HRH1: variants seen among roughly 807,000 people sequenced by gnomAD.
The protein encoded by HRH1 is histamine receptor H1.
Under a neutral mutation model 10.3 loss-of-function variants are expected in HRH1, and 6 were observed. That is an observed-to-expected ratio of 0.58 (90% CI 0.32 to 1.15). The LOEUF is 1.15. Ranked by LOEUF, HRH1 falls within the 50% of genes most tolerant of loss-of-function variation. The pLI, the probability that HRH1 is intolerant of heterozygous loss-of-function variation, is 0.05. For missense variants in HRH1, 514 were observed against 615.3 expected (o/e 0.84, Z 1.74); for synonymous variants, 242 against 236.7 (o/e 1.02, Z -0.21).
chr3:11,180,760 C>G (rs1158701104), intron 1 of HRH1, among the ~76,000 whole-genome samples: 1 of 152,174 alleles, frequency 6.6e-6, no homozygotes, highest in Non-Finnish European at 1.5e-5. Context: ...TAAGGTTGAT[C>G]TACACCGTAG....
At chr3:11,195,172 C>G (rs1485072684) in intron 1 of HRH1, among the ~76,000 whole-genome samples, 2 of 152,198 alleles carry the variant, frequency 1.3e-5, no homozygotes, top group Admixed American at 1.3e-4. Flanking sequence ...TCCTTTTAAG[C>G]AGTATCTCTC....
intron 1 of HRH1, among the ~76,000 whole-genome samples, chr3:11,251,921 G>A (rs966158936): frequency 2.6e-5 from 4 of 152,186 alleles, no homozygotes; most frequent in African/African-American, 9.7e-5. Flanking sequence ...GGGTTACTGG[G>A]TTAAGAATTT....
At chr3:11,249,478 G>A (rs1018587650) in intron 1 of HRH1, among the ~76,000 whole-genome samples, 8 of 151,076 alleles carry the variant, frequency 5.3e-5, no homozygotes, top group African/African-American at 1.9e-4. Context: ...GAGCAATGAA[G>A]CACATTGTGA....
At chr3:11,251,302 A>G (rs754833175) in intron 1 of HRH1, among the ~76,000 whole-genome samples, 4 of 152,184 alleles carry the variant, frequency 2.6e-5, no homozygotes, top group African/African-American at 7.2e-5. Flanking sequence ...TACTTGGATT[A>G]TCAAGTCTCT....
rs138270697 is a variant in HRH1, at chr3:11,216,352, G to C, written c.-35-42651G>C. On this transcript the variant is annotated intron_variant, in intron 1 of 1. Transcript: ENST00000431010. Reference sequence around the variant, plus strand: ...GTTCATAGCAGCATTATTCACAGCAGCCGAAGAGTGGAAGCAGCCAGTGTC... The same window carrying C: ...GTTCATAGCAGCATTATTCACAGCACCCGAAGAGTGGAAGCAGCCAGTGTC... Among the ~76,000 whole-genome samples, 6 of 152,318 alleles carry C rather than the reference G, an allele frequency of 3.9e-5. No individual in the cohort carries two copies. The East Asian group carries it at 1.2e-3, about 29-fold the overall frequency.
upstream of HRH1, among the ~76,000 whole-genome samples, chr3:11,151,917 C>A (rs1936637230): frequency 6.6e-6 from 1 of 152,206 alleles, no homozygotes; most frequent in South Asian, 2.1e-4. Context: ...AGTGGCAGAG[C>A]AGGTATTTTT....
rs1468588148 is a variant in HRH1, at chr3:11,214,083, CA to C, written c.-35-44919del. 2.0e-5 allele frequency among the ~76,000 whole-genome samples: 3 copies of C among 151,800 alleles called. No individual in the cohort carries two copies. The East Asian group carries it at 5.8e-4, about 29-fold the overall frequency. ...AGATGGAACAGCGCGAACAAAGAGG[CA>C]GAAGGGAGAATGTTCAGGGACAGGT... On this transcript the variant is annotated intron_variant, in intron 1 of 1. Coordinates refer to ENST00000431010, the MANE Select transcript of HRH1 (RefSeq NM_001098212.2).
rs1939875907 is a variant in HRH1, at chr3:11,259,419, T to C, written c.382T>C (p.Ser128Pro). 6.2e-7 allele frequency: 1 copy of C among 1,613,816 alleles called. No homozygotes were observed. Among genetic ancestry groups the C allele is most frequent in the East Asian group, 2.2e-5 (1 of 44,868 alleles). The change falls in exon 2 of 2, where the codon TCT becomes CCT. Residue 128 changes from serine (S) to proline (P), a missense_variant. Physicochemically the swap from Ser to Pro is moderately conservative, Grantham distance 74. Coordinates refer to ENST00000431010, the MANE Select transcript of HRH1 (RefSeq NM_001098212.2). This position sits in a 1 kb window ranked among gnomAD's most constrained non-coding sequence, Gnocchi z 4.6. ...VFILCIDRYR[S>P]VQQPLRYLKY... ...CATCCTGTGCATTGATCGCTACCGC[T>C]CTGTCCAGCAGCCCCTCAGGTACCT...
Position 11,216,772 on chromosome 3 carries a change from T to C in HRH1, c.-35-42231T>C, listed in dbSNP as rs1170355790. 2.0e-5 allele frequency among the ~76,000 whole-genome samples: 3 copies of C among 151,994 alleles called. No homozygotes were observed. In the East Asian group the frequency reaches 5.8e-4, roughly 29 times the overall value. The stretch of plus-strand genomic sequence containing the variant: ...GCATGTGCCTGTGATCCCAGCTACT[T>C]GGGAGGCTGAGGCAGGAGAATCACT... On this transcript the variant is annotated intron_variant, in intron 1 of 1. Coordinates refer to ENST00000431010, the MANE Select transcript of HRH1 (RefSeq NM_001098212.2).
At chr3:11,248,932 C>G (rs1417063605) in intron 1 of HRH1, among the ~76,000 whole-genome samples, 1 of 152,162 alleles carries the variant, frequency 6.6e-6, no homozygotes, top group Non-Finnish European at 1.5e-5. Context: ...GTCGCACAAG[C>G]CTAACAGTCG....
At chr3:11,169,556 T>G (rs1937113865) in intron 1 of HRH1, among the ~76,000 whole-genome samples, 1 of 152,102 alleles carries the variant, frequency 6.6e-6, no homozygotes, top group South Asian at 2.1e-4. Flanking sequence ...AAAGGCTGGC[T>G]GGGGCCTTTG....
At chr3:11,159,645 C>T (rs1056782548) in intron 1 of HRH1, among the ~76,000 whole-genome samples, 1 of 152,190 alleles carries the variant, frequency 6.6e-6, no homozygotes, top group Admixed American at 6.5e-5. Context: ...GTGCTGTTCA[C>T]CAGTGATTTC....
intron 1 of HRH1, among the ~76,000 whole-genome samples, chr3:11,222,276 C>G (rs1040888989): frequency 1.9e-4 from 29 of 152,118 alleles, no homozygotes; most frequent in African/African-American, 6.8e-4. Context: ...GAAGTGTGCA[C>G]AGCTGGAACT....
At chr3:11,172,537 A>G (rs2125013271) in intron 1 of HRH1, among the ~76,000 whole-genome samples, 1 of 152,224 alleles carries the variant, frequency 6.6e-6, no homozygotes, top group African/African-American at 2.4e-5. Flanking sequence ...TTAGATCTGA[A>G]CAATTTAGGA....
At position 11,263,021 on chromosome 3, in the gene HRH1, A is replaced by G. The variant is rs760687761; in HGVS notation, c.*2520A>G. 5 of 167,146 alleles carry G rather than the reference A, an allele frequency of 3.0e-5. No individual in the cohort carries two copies. The highest frequency in any genetic ancestry group is 5.9e-5 in the Non-Finnish European group (4 of 68,124). 10.4% of individuals were successfully genotyped at this position (167,146 alleles called of 1,614,324 possible). On this transcript the variant is annotated 3_prime_UTR_variant, in exon 2 of 2. Coordinates refer to ENST00000431010, the MANE Select transcript of HRH1 (RefSeq NM_001098212.2). Reference sequence around the variant, plus strand: ...ATGAGGGAGATTTCCATCTTTACAAATAGGCAAACTGAGGCCCAGAGAGAT... The same window carrying G: ...ATGAGGGAGATTTCCATCTTTACAAGTAGGCAAACTGAGGCCCAGAGAGAT...
chr3:11,168,023 T>C (rs1937080722), intron 1 of HRH1, among the ~76,000 whole-genome samples: 1 of 151,752 alleles, frequency 6.6e-6, no homozygotes, highest in Non-Finnish European at 1.5e-5. Flanking sequence ...TGAAATGCAG[T>C]GGTGAAGATG....
At chr3:11,248,442 A>T (rs190194176) in intron 1 of HRH1, among the ~76,000 whole-genome samples, 1 of 152,234 alleles carries the variant, frequency 6.6e-6, no homozygotes, top group East Asian at 1.9e-4. Flanking sequence ...TCCAGGAGGG[A>T]CGTGTCTCTT....
At chr3:11,198,972 G>A (rs928240296) in intron 1 of HRH1, among the ~76,000 whole-genome samples, 1 of 151,044 alleles carries the variant, frequency 6.6e-6, no homozygotes, top group Non-Finnish European at 1.5e-5. Context: ...CAGTCAGGCT[G>A]GAGTGCAGTG....
chr3:11,176,753 G>C (rs1040771279), intron 1 of HRH1, among the ~76,000 whole-genome samples: 1 of 152,130 alleles, frequency 6.6e-6, no homozygotes, highest in African/African-American at 2.4e-5. Context: ...AATTCGAACA[G>C]GACTATCTAA....
Sources: allele counts gnomAD v4.1 joint callset (sites outside exome capture counted in the v4.1 genomes callset), GRCh38; gene constraint gnomAD v4.1.1; non-coding constraint Gnocchi (gnomAD v3.1); transcripts MANE v1.5; gene names NCBI Gene and HGNC (gene_info 2026-07-23, HGNC 2026-07-21).